The following TTN variants were observed in gnomAD, a reference collection of about 807,000 sequenced individuals.
The protein encoded by TTN is titin, also known as connectin.
In TTN, 1,525 loss-of-function variants were observed where a neutral mutation model predicts 3,223.0. That is an observed-to-expected ratio of 0.47 (90% CI 0.45 to 0.49). The LOEUF is 0.49. Ranked by LOEUF, TTN falls within the 20% of genes least tolerant of loss-of-function variation. TTN has a pLI of 0.00. For missense variants in TTN, 40,786 were observed against 43,424.0 expected (o/e 0.94, Z 5.40); for synonymous variants, 14,094 against 15,161.0 (o/e 0.93, Z 5.17).
rs1363575926 is a variant in TTN, at chr2:178,543,569, G to T, written c.96404C>A (p.Ala32135Asp). Reference protein sequence around the residue: ...TWEIPTIDGGAPVNNYIVEKR... With the variant: ...TWEIPTIDGGDPVNNYIVEKR... Reference sequence around the variant, plus strand: ...CTCAACGATGTAATTGTTGACTGGAGCTCCACCATCAATCGTGGGAATTTC... The same window carrying T: ...CTCAACGATGTAATTGTTGACTGGATCTCCACCATCAATCGTGGGAATTTC... The change falls in exon 347 of 363, where the codon GCT becomes GAT. Residue 32135 changes from alanine to aspartate, a missense_variant. By Grantham distance (126) the Ala-to-Asp change is moderately radical. Coordinates refer to ENST00000589042, the MANE Select transcript of TTN (RefSeq NM_001267550.2). The T allele has an allele frequency of 6.2e-7, 1 of 1,610,302 alleles. No individual in the cohort carries two copies. Among genetic ancestry groups the T allele is most frequent in the African/African-American group, 1.3e-5 (1 of 74,916 alleles).
In TTN at chr2:178,740,079, G is replaced by C; in HGVS notation, c.13154C>G (p.Ser4385Cys). ...RDLLSKESLLSGIPEEQRLNL... is the reference protein window; with the variant it reads ...RDLLSKESLLCGIPEEQRLNL... ...TAATCTCTGCTCTTCTGGAATACCA[G>C]AAAGCAAGCTTTCCTTAGAAAGAAG... The change falls in exon 48 of 363, where the codon TCT (serine) becomes TGT (cysteine). Residue 4385 changes from serine to cysteine, a missense_variant. Ser to Cys is a moderately radical substitution (Grantham distance 112). Transcript: ENST00000589042. 6.2e-7 allele frequency: 1 copy of C among 1,613,788 alleles called. No homozygotes were observed. Among genetic ancestry groups the C allele is most frequent in the Non-Finnish European group, 8.5e-7 (1 of 1,179,808 alleles).
At position 178,733,140 on chromosome 2, in the gene TTN, G is replaced by A; in HGVS notation, c.16055-19C>T. 6.4e-7 allele frequency: 1 copy of A among 1,568,966 alleles called. No homozygotes were observed. Among genetic ancestry groups the A allele is most frequent in the Non-Finnish European group, 8.6e-7 (1 of 1,156,750 alleles). On this transcript the variant is annotated intron_variant, in intron 54 of 362. Coordinates refer to ENST00000589042, the MANE Select transcript of TTN (RefSeq NM_001267550.2). ...TCTCGATCTGTGTGTTGCACAAGAAGGGAGAAAAGGTCAATATAGAAGAGT... is the reference window on the plus strand; with the variant it reads ...TCTCGATCTGTGTGTTGCACAAGAAAGGAGAAAAGGTCAATATAGAAGAGT...
Position 178,579,944 on chromosome 2 carries a change from G to A in TTN, c.67343C>T (p.Ala22448Val). ...ATGATGGTTCATTTGCTTACGGGAAGCTTTGACAGCATCACGAGTTTCACC... is the reference window on the plus strand; with the variant it reads ...ATGATGGTTCATTTGCTTACGGGAAACTTTGACAGCATCACGAGTTTCACC... ...DPGETRDAVK[A>V]SQTPGPVVDL... Residue 22448 changes from alanine (A) to valine (V), a missense_variant, in exon 318 of 363, where the codon GCT (alanine) becomes GTT (valine). Transcript: ENST00000589042. The A allele has an allele frequency of 1.2e-6, 2 of 1,613,112 alleles. No homozygotes were observed. Among genetic ancestry groups the A allele is most frequent in the Non-Finnish European group, 1.7e-6 (2 of 1,179,458 alleles).
In TTN at chr2:178,531,231, T is replaced by A. The variant is rs3813250; in HGVS notation, c.105384A>T (p.Ala35128=). 1.9e-6 allele frequency: 3 copies of A among 1,613,598 alleles called. No individual in the cohort carries two copies. The highest frequency in any genetic ancestry group is 2.5e-6 in the Non-Finnish European group (3 of 1,179,804). The change falls in exon 358 of 363, where the codon GCA becomes GCT. Residue 35128 remains alanine, a synonymous_variant. Coordinates refer to ENST00000589042, the MANE Select transcript of TTN (RefSeq NM_001267550.2). ...ACCGTGGCTTTGTTAGAATTCTTGC[T>A]GCCAAAGTCGTCTTGATCTTTCTGG... ...STTRKIKTTL[A]ARILTKPRSM...
At chr2:178,718,669 T>C (rs759740599) in intron 84 of TTN, 26 bp downstream of exon 84, 1 of 1,609,174 alleles carries the variant, frequency 6.2e-7, no homozygotes, top group Non-Finnish European at 8.5e-7. Context: ...TTTTAAAAGA[T>C]GTATATATTG....
Position 178,566,627 on chromosome 2 carries a change from T to G in TTN, c.79505A>C (p.Asn26502Thr), listed in dbSNP as rs1705971546. The stretch of plus-strand genomic sequence containing the variant: ...TTTACCCCAGGCAAGTGTGATTGAA[T>G]TTTTAGTGGTGTCTACAATGTGTGC... ...TNAHIVDTTK[N>T]SITLAWGKPI... The change falls in exon 326 of 363, where the codon AAT (asparagine) becomes ACT (threonine). Residue 26502 changes from asparagine (N) to threonine (T), a missense_variant. Asn to Thr is a moderately conservative substitution (Grantham distance 65). Transcript: ENST00000589042. 1 of 1,612,554 alleles carries G rather than the reference T, an allele frequency of 6.2e-7. No homozygotes were observed. The highest frequency in any genetic ancestry group is 1.1e-5 in the South Asian group (1 of 91,070).
In TTN at chr2:178,741,082, C is replaced by T; in HGVS notation, c.12151G>A (p.Asp4051Asn). 1.2e-6 allele frequency: 2 copies of T among 1,613,890 alleles called. No individual in the cohort carries two copies. Among genetic ancestry groups the T allele is most frequent in the Non-Finnish European group, 1.7e-6 (2 of 1,179,836 alleles). The change falls in exon 48 of 363, where the codon GAT becomes AAT. Residue 4051 changes from aspartate to asparagine, a missense_variant. By Grantham distance (23) the Asp-to-Asn change is conservative. Transcript: ENST00000589042. ...KAKSTPEAPE[D>N]FPQTPLKGPA... ...CCCTTTAAGGGTGTCTGTGGAAAAT[C>T]CTCAGGAGCCTCTGGTGTGGACTTT...
Position 178,560,165 on chromosome 2 carries a change from G to A in TTN, c.85967C>T (p.Ser28656Phe), listed in dbSNP as rs1703122719. Residue 28656 changes from serine to phenylalanine, a missense_variant, in exon 326 of 363, where the codon TCC (serine) becomes TTC (phenylalanine). Transcript: ENST00000589042. ...EDPVFLPSPP[S>F]KPKIVDSGKT... ...GCCTGAGTCCACAATTTTGGGTTTG[G>A]ATGGAGGAGATGGTAGGAACACTGG... 6.2e-7 allele frequency: 1 copy of A among 1,613,582 alleles called. No individual in the cohort carries two copies. Among genetic ancestry groups the A allele is most frequent in the Admixed American group, 1.7e-5 (1 of 59,978 alleles).
intron 309 of TTN, 25 bp from the exon 310 acceptor site, chr2:178,584,993 T>A: frequency 1.2e-6 from 2 of 1,609,028 alleles, no homozygotes; most frequent in Non-Finnish European, 1.7e-6. Flanking sequence ...AGGAAAGAAA[T>A]GTAAGAACAA....
At chr2:178,542,111 C>A in intron 349 of TTN, 153 bp downstream of exon 349, 1 of 744,734 alleles carries the variant, frequency 1.3e-6, no homozygotes. Flanking sequence ...GTTTAGAAAC[C>A]TGAGAAAAGG....
intron 47 of TTN, chr2:178,749,131 G>T: frequency 6.2e-7 from 1 of 1,612,706 alleles, no homozygotes; most frequent in Non-Finnish European, 8.5e-7. Context: ...TTCTCTCAGA[G>T]TGAATATTTG....
At position 178,543,318 on chromosome 2, in the gene TTN, C is replaced by T. The variant is rs398124460; in HGVS notation, c.96655G>A (p.Val32219Ile). 7 of 1,613,806 alleles carry T rather than the reference C, an allele frequency of 4.3e-6. No individual in the cohort carries two copies. In the East Asian group the frequency reaches 1.1e-4, roughly 26 times the overall value. Residue 32219 changes from valine (V) to isoleucine (I), a missense_variant, in exon 347 of 363, where the codon GTT (valine) becomes ATT (isoleucine). Coordinates refer to ENST00000589042, the MANE Select transcript of TTN (RefSeq NM_001267550.2). The part of the protein sequence containing the change: ...LEVVDVTKST[V>I]TLAWEKPLYD... ...AGTGGTTTTTCCCAGGCAAGGGTAA[C>T]AGTGGATTTGGTGACATCGACCACT... is the stretch of plus-strand genomic sequence containing the variant.
Position 178,589,335 on chromosome 2 carries a change from G to T in TTN, c.62390C>A (p.Pro20797Gln). Residue 20797 changes from proline (P) to glutamine (Q), a missense_variant, in exon 304 of 363, where the codon CCA (proline) becomes CAA (glutamine). Pro to Gln is a moderately conservative substitution (Grantham distance 76, BLOSUM62 -1). Coordinates refer to ENST00000589042, the MANE Select transcript of TTN (RefSeq NM_001267550.2). Reference protein sequence around the residue: ...IRLEAGVRGKPFPEVAWTKDK... With the variant: ...IRLEAGVRGKQFPEVAWTKDK... ...CTTGGTCCATGCAACTTCTGGGAAT[G>T]GTTTGCCTCTAACCCCTGCCTCAAG... 2 of 1,612,984 alleles carry T rather than the reference G, an allele frequency of 1.2e-6. No homozygotes were observed. Among genetic ancestry groups the T allele is most frequent in the Non-Finnish European group, 1.7e-6 (2 of 1,179,298 alleles).
Position 178,774,365 on chromosome 2 carries a change from T to A in TTN, c.6899A>T (p.Tyr2300Phe), listed in dbSNP as rs772093035. The change falls in exon 30 of 363, where the codon TAT becomes TTT. Residue 2300 changes from tyrosine to phenylalanine, a missense_variant. Coordinates refer to ENST00000589042, the MANE Select transcript of TTN (RefSeq NM_001267550.2). ...VSPENIEGKW[Y>F]HNDVELKSNG... ...GGATTTAAGCTCCACATCATTATGA[T>A]ACCATTTTCCTTCTATATTTTCTGG... 4.3e-6 allele frequency: 7 copies of A among 1,614,160 alleles called. No homozygotes were observed. In the South Asian group the frequency reaches 7.7e-5, roughly 18 times the overall value.
Position 178,745,233 on chromosome 2 carries a change from A to G in TTN, c.11312-3312T>C, listed in dbSNP as rs963139927. 8 of 1,087,082 alleles carry G rather than the reference A, an allele frequency of 7.4e-6. No individual in the cohort carries two copies. The African/African-American group carries it at 8.2e-5, about 11-fold the overall frequency. The allele number at this position is 1,087,082 out of a possible 1,614,324, so 67.3% of individuals were successfully genotyped here. ...CTCCACTTTTACATTGTACTTTTGC[A>G]TATATGGTTTATCTGCTAAAAGAGA... On this transcript the variant is annotated intron_variant, in intron 47 of 362. Transcript: ENST00000589042.
At position 178,616,508 on chromosome 2, in the gene TTN, G is replaced by T; in HGVS notation, c.48283C>A (p.Arg16095=). Reference sequence around the variant, plus strand: ...GTCCATGTTTTCCGGCTGACTTCTCGTTTTTCAACAACGTATCCAGTTAAC... The same window carrying T: ...GTCCATGTTTTCCGGCTGACTTCTCTTTTTTCAACAACGTATCCAGTTAAC... ...SPLTGYVVEK[R]EVSRKTWTKV... The change falls in exon 257 of 363, where the codon CGA becomes AGA. Residue 16095 remains arginine (R), a synonymous_variant. Coordinates refer to ENST00000589042, the MANE Select transcript of TTN (RefSeq NM_001267550.2). The T allele has an allele frequency of 6.2e-7, 1 of 1,612,122 alleles. No individual in the cohort carries two copies. Among genetic ancestry groups the T allele is most frequent in the Non-Finnish European group, 8.5e-7 (1 of 1,178,806 alleles).
At chr2:178,799,246 T>C in intron 6 of TTN, 1 of 549,350 alleles carries the variant, frequency 1.8e-6, no homozygotes. Context: ...CCACACCCTA[T>C]GCCTATAAAA....
chr2:178,558,173 T>C lies in TTN; in HGVS notation c.87181A>G (p.Asn29061Asp), dbSNP rs755378840. ...GAGATTGGAATGTCAACTTTAAGGTTTGAACCAGCTCTAACATATACAGTG... is the reference window on the plus strand; with the variant it reads ...GAGATTGGAATGTCAACTTTAAGGTCTGAACCAGCTCTAACATATACAGTG... ...SHTVYVRAGS[N>D]LKVDIPISGK... Residue 29061 changes from asparagine (N) to aspartate (D), a missense_variant, in exon 328 of 363, where the codon AAC becomes GAC. Asn to Asp is a conservative substitution (Grantham distance 23). Coordinates refer to ENST00000589042, the MANE Select transcript of TTN (RefSeq NM_001267550.2). 5 of 1,613,680 alleles carry C rather than the reference T, an allele frequency of 3.1e-6. No homozygotes were observed. The highest frequency in any genetic ancestry group is 4.2e-6 in the Non-Finnish European group (5 of 1,179,842).
chr2:178,651,725 A>G lies in TTN; in HGVS notation c.39404T>C (p.Val13135Ala). Residue 13135 changes from valine to alanine, a missense_variant, in exon 206 of 363, where the codon GTC (valine) becomes GCC (alanine). Transcript: ENST00000589042. ...GACAGCAGGTGCTTTCTTTTCTGGG[A>G]CAGGTTTCTTAGGTGGTACGGTCAC... ...PQVTVPPKKP[V>A]PEKKAPAVVA... The G allele has an allele frequency of 3.1e-6, 5 of 1,613,304 alleles. No individual in the cohort carries two copies. The highest frequency in any genetic ancestry group is 4.2e-6 in the Non-Finnish European group (5 of 1,179,554).
Sources: gnomAD v4.1 joint callset for allele counts on GRCh38, gnomAD v4.1.1 for gene constraint, MANE v1.5 for transcripts, NCBI Gene and HGNC (gene_info 2026-07-23, HGNC 2026-07-21) for gene names.